SLC25A21: variants seen among roughly 807,000 people sequenced by gnomAD.
SLC25A21 encodes the protein mitochondrial 2-oxodicarboxylate carrier.
Under a neutral mutation model 43.8 loss-of-function variants are expected in SLC25A21, and 47 were observed. The observed-to-expected ratio is 1.07, with a 90% CI of 0.85 to 1.37. The LOEUF (loss-of-function observed/expected upper bound fraction) is 1.37. Among genes scored for constraint, SLC25A21 ranks in the 40% most tolerant of loss-of-function variants. SLC25A21 has a pLI of 0.00. For missense variants in SLC25A21, 352 were observed against 350.2 expected, an observed-to-expected ratio of 1.00 and a Z score of -0.04; for synonymous variants, 131 against 121.3, an observed-to-expected ratio of 1.08 and a Z score of -0.52.
intron 2 of SLC25A21, among the ~76,000 whole-genome samples, chr14:36,823,626 G>C (rs549568953): frequency 1.3e-5 from 2 of 152,128 alleles, no homozygotes; most frequent in South Asian, 4.2e-4. Flanking sequence ...CCATTGTCAA[G>C]GTAATGAGAA....
chr14:36,891,542 A>AGT (rs944289382), intron 1 of SLC25A21, among the ~76,000 whole-genome samples: 1 of 152,176 alleles, frequency 6.6e-6, no homozygotes, highest in African/African-American at 2.4e-5. Flanking sequence ...TATACACTAA[A>AGT]GTATATATAG....
intron 1 of SLC25A21, among the ~76,000 whole-genome samples, chr14:36,997,717 T>C (rs1464646616): frequency 1.3e-5 from 2 of 150,910 alleles, no homozygotes. Context: ...TAATCCCAAA[T>C]ACTCAGGAGG....
intron 1 of SLC25A21, among the ~76,000 whole-genome samples, chr14:37,088,946 T>C (rs1422619960): frequency 6.6e-6 from 1 of 152,244 alleles, no homozygotes; most frequent in Non-Finnish European, 1.5e-5. Context: ...TACAAATTCC[T>C]TCACAATTTG....
At chr14:36,735,067 T>A (rs1471629634) in intron 3 of SLC25A21, among the ~76,000 whole-genome samples, 1 of 152,196 alleles carries the variant, frequency 6.6e-6, no homozygotes, top group African/African-American at 2.4e-5. Flanking sequence ...GTACTAGAGC[T>A]TCCAGCCCCG....
intron 1 of SLC25A21, among the ~76,000 whole-genome samples, chr14:36,905,050 A>G (rs1432736976): frequency 6.6e-6 from 1 of 152,118 alleles, no homozygotes; most frequent in South Asian, 2.1e-4. Context: ...GGCCAAAATT[A>G]TTGGTTCTAA....
At position 37,122,123 on chromosome 14, in the gene SLC25A21, A is replaced by C. The variant is rs571172180; in HGVS notation, c.70+50158T>G. 4.6e-5 allele frequency among the ~76,000 whole-genome samples: 7 copies of C among 152,282 alleles called. No homozygotes were observed. The South Asian group carries it at 1.0e-3, about 23-fold the overall frequency. On this transcript the variant is annotated intron_variant, in intron 1 of 9. Coordinates refer to ENST00000331299, the MANE Select transcript of SLC25A21 (RefSeq NM_030631.4). ...GAGGATATAGTGTACCTTTTTTCCC[A>C]AACTTATTTAACTAGAAACTTTTTT...
chr14:36,826,368 C>G (rs185923847), intron 2 of SLC25A21, among the ~76,000 whole-genome samples: 1 of 152,284 alleles, frequency 6.6e-6, no homozygotes, highest in East Asian at 1.9e-4. Flanking sequence ...CATTACTTTT[C>G]TGGTTGTTTC....
chr14:36,925,538 G>T (rs1278500966), intron 1 of SLC25A21, among the ~76,000 whole-genome samples: 1 of 152,156 alleles, frequency 6.6e-6, no homozygotes, highest in African/African-American at 2.4e-5. Flanking sequence ...AACCCCAAAT[G>T]TGTATTCACC....
At chr14:37,021,965 A>C (rs1960996187) in intron 1 of SLC25A21, among the ~76,000 whole-genome samples, 1 of 151,960 alleles carries the variant, frequency 6.6e-6, no homozygotes, top group South Asian at 2.1e-4. Flanking sequence ...AATGGTCTAG[A>C]GCATCTTGAA....
intron 1 of SLC25A21, among the ~76,000 whole-genome samples, chr14:36,903,331 T>C (rs1891445018): frequency 6.6e-6 from 1 of 152,050 alleles, no homozygotes; most frequent in Non-Finnish European, 1.5e-5. Context: ...ATGTGTTTTG[T>C]TCAGTTCACA....
At chr14:37,033,737 T>C (rs1049741441) in intron 1 of SLC25A21, among the ~76,000 whole-genome samples, 1 of 152,194 alleles carries the variant, frequency 6.6e-6, no homozygotes, top group Non-Finnish European at 1.5e-5. Context: ...GATATGGCTG[T>C]AAGAGATGTA....
chr14:36,915,515 G>C (rs1891806269), intron 1 of SLC25A21, among the ~76,000 whole-genome samples: 1 of 152,100 alleles, frequency 6.6e-6, no homozygotes, highest in Non-Finnish European at 1.5e-5. Flanking sequence ...TGTCCATCTT[G>C]TTAGAGCACA....
At chr14:37,079,876 A>C (rs1326272625) in intron 1 of SLC25A21, among the ~76,000 whole-genome samples, 1 of 152,220 alleles carries the variant, frequency 6.6e-6, no homozygotes, top group Non-Finnish European at 1.5e-5. Flanking sequence ...GTAATGTGTT[A>C]GGATGTGGGG....
At chr14:36,736,390 G>A (rs879201462) in intron 3 of SLC25A21, among the ~76,000 whole-genome samples, 7 of 151,988 alleles carry the variant, frequency 4.6e-5, no homozygotes, top group Admixed American at 2.6e-4. Flanking sequence ...ACATCAACAC[G>A]AATTACTTCT....
chr14:36,776,521 C>T (rs905773965), intron 3 of SLC25A21, among the ~76,000 whole-genome samples: 1 of 151,858 alleles, frequency 6.6e-6, no homozygotes, highest in African/African-American at 2.4e-5. Context: ...GGATTACAAG[C>T]GTGAGCCACC....
intron 1 of SLC25A21, among the ~76,000 whole-genome samples, chr14:37,077,491 A>G (rs976089260): frequency 2.0e-5 from 3 of 152,202 alleles, no homozygotes; most frequent in African/African-American, 7.2e-5. Flanking sequence ...TATGTTATGT[A>G]TAACAATTGA....
intron 3 of SLC25A21, among the ~76,000 whole-genome samples, chr14:36,751,279 G>C (rs530008851): frequency 2.0e-5 from 3 of 152,194 alleles, no homozygotes; most frequent in Non-Finnish European, 2.9e-5. Flanking sequence ...GCACTTTGCA[G>C]AACAGGTACA....
chr14:36,721,517 G>A (rs138127991), intron 6 of SLC25A21, among the ~76,000 whole-genome samples: 1 of 152,276 alleles, frequency 6.6e-6, no homozygotes, highest in Non-Finnish European at 1.5e-5. Flanking sequence ...CCACACTGTT[G>A]GATAATGGTA....
chr14:37,127,741 T>C (rs984513551), intron 1 of SLC25A21, among the ~76,000 whole-genome samples: 6 of 152,172 alleles, frequency 3.9e-5, no homozygotes, highest in African/African-American at 1.2e-4. Context: ...TAAACTAACA[T>C]ATGGAAACCT....
Sources: gnomAD v4.1 joint callset for allele counts (sites outside exome capture counted in the v4.1 genomes callset) on GRCh38, gnomAD v4.1.1 for gene constraint, MANE v1.5 for transcripts, NCBI Gene and HGNC (gene_info 2026-07-23, HGNC 2026-07-21) for gene names.